Variants in CNTRL observed in about 807,000 individuals in gnomAD.
The protein encoded by CNTRL is centriolin.
In CNTRL, 233 loss-of-function variants were observed where a neutral mutation model predicts 303.7. The observed-to-expected ratio is 0.77, with a 90% confidence interval of 0.69 to 0.86. The LOEUF (loss-of-function observed/expected upper bound fraction) is 0.86. Among genes scored for constraint, CNTRL ranks in the 40% least tolerant of loss-of-function variants. The probability of loss-of-function intolerance (pLI) is 0.00; values close to 1 mark genes in which losing one functional copy is unlikely to be tolerated. For missense variants in CNTRL, 2,524 were observed against 2,650.6 expected (o/e 0.95, Z 1.05); for synonymous variants, 900 against 922.2 (o/e 0.98, Z 0.44).
rs558198193 is a variant in CNTRL at position 121,175,506 on chromosome 9, C to T, written c.6954+282C>T. 9.9e-5 allele frequency among the ~76,000 whole-genome samples: 15 copies of T among 152,258 alleles called. No individual in the cohort carries two copies. The East Asian group carries it at 2.3e-3, about 24-fold the overall frequency. ...CTGGTCTCAAACTCCTGGGCTCAAG[C>T]GATCCTCCTGCCTCGGCCTCCCAAA... is the stretch of plus-strand genomic sequence containing the variant. On this transcript the variant is annotated intron_variant, in intron 43 of 43. Transcript: ENST00000373855.
At chr9:121,087,625 A>G (rs1035517445) in intron 2 of CNTRL, among the ~76,000 whole-genome samples, 2 of 152,152 alleles carry the variant, frequency 1.3e-5, no homozygotes, top group African/African-American at 4.8e-5. Context: ...TGGGAGGCAG[A>G]GGTTGCAGTG....
At chr9:121,079,974 G>C (rs2048076978) in intron 1 of CNTRL, among the ~76,000 whole-genome samples, 1 of 151,942 alleles carries the variant, frequency 6.6e-6, no homozygotes. Context: ...AGTGATTTTT[G>C]TTCCTCAACC....
Position 121,144,017 on chromosome 9 carries a change from A to G in CNTRL, c.2986A>G (p.Ile996Val). 1.9e-6 allele frequency: 3 copies of G among 1,614,032 alleles called. No homozygotes were observed. The highest frequency in any genetic ancestry group is 2.5e-6 in the Non-Finnish European group (3 of 1,179,928). ...TAAGCTAGCCACAGCTGAGCTCACC[A>G]TTGCCAAAGACCAGCTGAAGTCCCT... ...SDKLATAELT[I>V]AKDQLKSLHG... Residue 996 changes from isoleucine (I) to valine (V), a missense_variant, in exon 20 of 44, where the codon ATT becomes GTT. By Grantham distance (29) the Ile-to-Val change is conservative. Transcript: ENST00000373855.
chr9:121,156,218 T>C (rs551936049), intron 27 of CNTRL, among the ~76,000 whole-genome samples: 2 of 152,130 alleles, frequency 1.3e-5, no homozygotes, highest in East Asian at 3.9e-4. Flanking sequence ...GGTATAGATA[T>C]ATAAAATCAT....
Position 121,113,715 on chromosome 9 carries a change from A to G in CNTRL, c.1336A>G (p.Ile446Val). The change falls in exon 10 of 44, where the codon ATA becomes GTA. Residue 446 changes from isoleucine to valine, a missense_variant. By Grantham distance (29) the Ile-to-Val change is conservative (BLOSUM62 3). Transcript: ENST00000373855. ...GCAACTGGAAGACAAAGAAAAAAAA[A>G]TAAGTGCAGGTTAAAAAAAGTTATT... The part of the protein sequence containing the change: ...DTQLEDKEKK[I>V]SAAQTRLSEL... 6.5e-7 allele frequency: 1 copy of G among 1,533,384 alleles called. No homozygotes were observed. The highest frequency in any genetic ancestry group is 8.7e-7 in the Non-Finnish European group (1 of 1,147,150). 95.0% of individuals were successfully genotyped at this position (1,533,384 alleles called of 1,614,324 possible).
At chr9:121,151,583 G>A (rs773197684) in intron 25 of CNTRL, among the ~76,000 whole-genome samples, 3 of 151,574 alleles carry the variant, frequency 2.0e-5, no homozygotes, top group African/African-American at 4.8e-5. Flanking sequence ...TATAGATGGG[G>A]GTTTCACCAT....
At position 121,177,331 on chromosome 9, in the gene CNTRL, C is replaced by T. The variant is rs1439742615; in HGVS notation, c.*145C>T. The T allele has an allele frequency of 4.5e-6, 3 of 662,762 alleles. No homozygotes were observed. The highest frequency in any genetic ancestry group is 7.9e-6 in the Non-Finnish European group (3 of 381,318). The allele number at this position is 662,762 out of a possible 1,614,324, so 41.1% of individuals were successfully genotyped here. A position where few individuals can be genotyped will look rare whatever the true frequency, so the allele number is the denominator to read the frequency against. On this transcript the variant is annotated 3_prime_UTR_variant, in exon 44 of 44. Transcript: ENST00000373855. The stretch of plus-strand genomic sequence containing the variant: ...CCACTGTAGTTTACTTTGCCTGTAC[C>T]ATTAATGCCAATGTTTTTATAAATC...
intron 23 of CNTRL, among the ~76,000 whole-genome samples, chr9:121,147,717 A>G (rs2051964300): frequency 6.6e-6 from 1 of 152,190 alleles, no homozygotes; most frequent in Non-Finnish European, 1.5e-5. Context: ...GATGAGCAAT[A>G]GTCAGGGAGA....
chr9:121,090,231 C>A, intron 3 of CNTRL, 44 bp from the exon 4 acceptor site: 1 of 1,497,590 alleles, frequency 6.7e-7, no homozygotes, highest in South Asian at 1.4e-5. Context: ...TTGTGATATT[C>A]ATGTCTTTCC....
At chr9:121,166,984 G>GTACTCCAGCCTGGGCA (rs1237641886) in intron 36 of CNTRL, among the ~76,000 whole-genome samples, 2 of 148,250 alleles carry the variant, frequency 1.3e-5, no homozygotes, top group Non-Finnish European at 3.0e-5. Context: ...TTGCACCATT[G>GTACTCCAGCCTGGGCA]TACTCCAGCC....
At chr9:121,139,878 G>T (rs2051405981) in intron 16 of CNTRL, among the ~76,000 whole-genome samples, 1 of 152,158 alleles carries the variant, frequency 6.6e-6, no homozygotes, top group Non-Finnish European at 1.5e-5. Flanking sequence ...ATATTCTTCA[G>T]GGGGCTTCTC....
At chr9:121,086,547 T>G in intron 2 of CNTRL, among the ~76,000 whole-genome samples, 1 of 151,126 alleles carries the variant, frequency 6.6e-6, no homozygotes, top group Non-Finnish European at 1.5e-5. Context: ...ATGACAGAGG[T>G]GAATCTAGAG....
chr9:121,115,232 G>C (rs1244818567), intron 11 of CNTRL, 32 bp downstream of exon 11: 2 of 1,222,442 alleles, frequency 1.6e-6, no homozygotes, highest in Non-Finnish European at 2.4e-6. Context: ...ATGCTAAGAG[G>C]AAATGAAAAA....
chr9:121,141,632 A>G, intron 18 of CNTRL, 44 bp downstream of exon 18: 1 of 1,543,512 alleles, frequency 6.5e-7, no homozygotes, highest in South Asian at 1.1e-5. Flanking sequence ...TGTTTGGCAA[A>G]TATTAATGTT....
At chr9:121,161,358 AAAATTGT>A (rs1464825350) in intron 32 of CNTRL, 14 of 401,404 alleles carry the variant, frequency 3.5e-5, no homozygotes, top group Non-Finnish European at 6.0e-5. Context: ...CAAAGGCCAA[AAAATTGT>A]TATATAAATC....
intron 7 of CNTRL, among the ~76,000 whole-genome samples, chr9:121,099,167 T>C (rs868452912): frequency 2.0e-5 from 3 of 152,088 alleles, no homozygotes; most frequent in Non-Finnish European, 4.4e-5. Context: ...CATCTCCCAG[T>C]AGGGGCTGGC....
chr9:121,158,020 C>T lies in CNTRL; in HGVS notation c.4675C>T (p.Arg1559Cys), dbSNP rs553029328. The change falls in exon 30 of 44, where the codon CGC becomes TGC. Residue 1559 changes from arginine (R) to cysteine (C), a missense_variant. Coordinates refer to ENST00000373855, the MANE Select transcript of CNTRL (RefSeq NM_007018.6). Reference sequence around the variant, plus strand: ...ACAGAAAGACATAGAGATGGCAGAACGCAATGAGGATCACCACCTGCAGGT... The same window carrying T: ...ACAGAAAGACATAGAGATGGCAGAATGCAATGAGGATCACCACCTGCAGGT... ...KLQKDIEMAE[R>C]NEDHHLQVLK... 73 of 1,614,012 alleles carry T rather than the reference C, an allele frequency of 4.5e-5. 1 individual carries two copies. The highest frequency in any genetic ancestry group is 4.5e-4 in the South Asian group (41 of 91,066).
chr9:121,078,686 G>A (rs377064355), intron 1 of CNTRL, among the ~76,000 whole-genome samples: 2 of 152,204 alleles, frequency 1.3e-5, no homozygotes, highest in East Asian at 1.9e-4. Context: ...GCTTCTGACT[G>A]ACCAGCTATA....
chr9:121,098,372 T>C lies in CNTRL; in HGVS notation c.622-14T>C, dbSNP rs971665424. 6.4e-7 allele frequency: 1 copy of C among 1,552,170 alleles called. No homozygotes were observed. Among genetic ancestry groups the C allele is most frequent in the African/African-American group, 1.4e-5 (1 of 73,664 alleles). ...AAATTAAATTATACCAATACTAATG[T>C]TATATCATTTCAGCTCCAAGATATA... On this transcript the variant is annotated splice_polypyrimidine_tract_variant and intron_variant, in intron 6 of 43. Coordinates refer to ENST00000373855, the MANE Select transcript of CNTRL (RefSeq NM_007018.6).
Sources: allele counts gnomAD v4.1 joint callset (sites outside exome capture counted in the v4.1 genomes callset), GRCh38; gene constraint gnomAD v4.1.1; transcripts MANE v1.5; gene names NCBI Gene and HGNC (gene_info 2026-07-23, HGNC 2026-07-21).